Variants in POLD1 observed in about 807,000 individuals in gnomAD.
POLD1 encodes the protein DNA polymerase delta 1, catalytic subunit.
POLD1 carries 79 observed loss-of-function variants against 129.7 expected under a neutral mutation model. The ratio of observed to expected loss-of-function variants is 0.61; its 90% CI spans 0.51 to 0.73. POLD1 has a LOEUF of 0.73. Among genes scored for constraint, POLD1 ranks in the 30% least tolerant of loss-of-function variants. The pLI, the probability that POLD1 is intolerant of heterozygous loss-of-function variation, is 0.00. For missense variants in POLD1, 1,338 were observed against 1,595.8 expected (o/e 0.84, Z 2.75); for synonymous variants, 714 against 683.3 (o/e 1.04, Z -0.70).
At position 50,402,543 on chromosome 19, in the gene POLD1, G is replaced by C. The variant is rs747558112; in HGVS notation, c.840+8G>C. 1 of 1,588,592 alleles carries C rather than the reference G, an allele frequency of 6.3e-7. No individual in the cohort carries two copies. The highest frequency in any genetic ancestry group is 8.6e-7 in the Non-Finnish European group (1 of 1,167,832). ...CTGAGGCTGAAGGAGAAGGTGCAGGGCTTCCCAGGGCAGGGCTGGGTGGGG... is the reference window on the plus strand; with the variant it reads ...CTGAGGCTGAAGGAGAAGGTGCAGGCCTTCCCAGGGCAGGGCTGGGTGGGG... On this transcript the variant is annotated splice_region_variant and intron_variant, in intron 7 of 26. Transcript: ENST00000440232.
At chr19:50,386,021 G>T (rs138068473) in intron 1 of POLD1, among the ~76,000 whole-genome samples, 1 of 152,344 alleles carries the variant, frequency 6.6e-6, no homozygotes, top group Non-Finnish European at 1.5e-5. Context: ...TTTCAGTCCA[G>T]AGTGCGCTGA....
chr19:50,393,433 G>A (rs3219328), intron 1 of POLD1, among the ~76,000 whole-genome samples: 313 of 152,284 alleles, frequency 2.1e-3, no homozygotes, highest in African/African-American at 7.1e-3. Flanking sequence ...ACTTTGGGGA[G>A]GCCAAGGCAG....
chr19:50,399,317 G>A, intron 2 of POLD1, 54 bp from the exon 3 acceptor site: 1 of 1,438,320 alleles, frequency 7.0e-7, no homozygotes, highest in Non-Finnish European at 9.8e-7. Flanking sequence ...ATGCCATCCT[G>A]GCCGGGGAAG....
chr19:50,400,821 C>G (rs890308550), intron 3 of POLD1, among the ~76,000 whole-genome samples: 1 of 151,438 alleles, frequency 6.6e-6, no homozygotes, highest in East Asian at 2.0e-4. Context: ...CTCAGCCTCC[C>G]GAGTTGCTGG....
In POLD1 at chr19:50,415,468, G is replaced by T. The variant is rs1273286625; in HGVS notation, c.2595G>T (p.Gln865His). Residue 865 changes from glutamine (Q) to histidine (H), a missense_variant, in exon 21 of 27, where the codon CAG (glutamine) becomes CAT (histidine). Gln to His is a conservative substitution (Grantham distance 24). Transcript: ENST00000440232. ...CTGAGGGCGCGGTGGCTCACGCACA[G>T]GACGTCATCTCGGACCTGCTGTGCA... ...RDPEGAVAHA[Q>H]DVISDLLCNR... 6.2e-7 allele frequency: 1 copy of T among 1,613,020 alleles called. No homozygotes were observed. Among genetic ancestry groups the T allele is most frequent in the Admixed American group, 1.7e-5 (1 of 60,000 alleles).
At chr19:50,416,017 G>A in intron 22 of POLD1, 191 bp downstream of exon 22, 2 of 582,864 alleles carry the variant, frequency 3.4e-6, no homozygotes, top group East Asian at 2.9e-5. Context: ...CCCCTCCCTT[G>A]CTTCCCTATG....
At chr19:50,408,720 G>C (rs55732259) in intron 14 of POLD1, 65 bp from the exon 15 acceptor site, 2 of 1,588,996 alleles carry the variant, frequency 1.3e-6, no homozygotes, top group Non-Finnish European at 8.6e-7. Flanking sequence ...GAGGCCACAA[G>C]ACAGGGCGGG....
chr19:50,387,058 G>GGT (rs1177397716), intron 1 of POLD1, among the ~76,000 whole-genome samples: 1 of 152,136 alleles, frequency 6.6e-6, no homozygotes, highest in East Asian at 1.9e-4. Flanking sequence ...CGGGCGTGGT[G>GGT]GTGGGCGCCT....
At chr19:50,390,121 C>G (rs375864866) in intron 1 of POLD1, among the ~76,000 whole-genome samples, 312 of 152,058 alleles carry the variant, frequency 2.1e-3, no homozygotes, top group African/African-American at 7.1e-3. Flanking sequence ...GTTGGCCAGG[C>G]TGGTCTCAAA....
In POLD1 at chr19:50,406,492, A is replaced by G. The variant is rs1283947674; in HGVS notation, c.1469A>G (p.Gln490Arg). The G allele has an allele frequency of 6.3e-7, 1 of 1,591,894 alleles. No homozygotes were observed. Among genetic ancestry groups the G allele is most frequent in the Non-Finnish European group, 8.6e-7 (1 of 1,168,862 alleles). ...HFLGEQKEDV[Q>R]HSIITDLQNG... is the part of the protein sequence containing the mutation. Reference sequence around the variant, plus strand: ...CTGGGCGAGCAGAAGGAGGACGTGCAGCACAGCATCATCACCGACCTGCAG... The same window carrying G: ...CTGGGCGAGCAGAAGGAGGACGTGCGGCACAGCATCATCACCGACCTGCAG... The change falls in exon 12 of 27, where the codon CAG becomes CGG. Residue 490 changes from glutamine (Q) to arginine (R), a missense_variant. This residue lies in a region of POLD1 where 720 missense variants were observed against 1,002.6 expected (regional missense o/e 0.72). Coordinates refer to ENST00000440232, the MANE Select transcript of POLD1 (RefSeq NM_002691.4). The surrounding 1 kb of genome is among the most constrained non-coding windows in gnomAD (Gnocchi z 5.5).
In POLD1 at chr19:50,415,481, GACCTGCTGTGCA is replaced by G. The variant is rs1064792943; in HGVS notation, c.2612_2623del (p.Leu871_Asn874del). 1 of 1,613,134 alleles carries G rather than the reference GACCTGCTGTGCA, an allele frequency of 6.2e-7. No individual in the cohort carries two copies. Among genetic ancestry groups the G allele is most frequent in the African/African-American group, 1.3e-5 (1 of 74,912 alleles). On this transcript the variant is annotated inframe_deletion, in exon 21 of 27. Transcript: ENST00000440232. ...GGCTCACGCACAGGACGTCATCTCG[GACCTGCTGTGCA>G]ACCGCATCGATATCTCCCAGCTGGT...
chr19:50,402,386 C>T lies in POLD1; in HGVS notation c.758+13C>T. 2 of 1,613,240 alleles carry T rather than the reference C, an allele frequency of 1.2e-6. No homozygotes were observed. The highest frequency in any genetic ancestry group is 2.2e-5 in the South Asian group (2 of 91,024). ...ACTTTGAGATCCGGTACGGCCTCTG[C>T]CTCACTTCTCCGGCCTCTATCCCCA... On this transcript the variant is annotated intron_variant, in intron 6 of 26. Coordinates refer to ENST00000440232, the MANE Select transcript of POLD1 (RefSeq NM_002691.4).
chr19:50,414,314 G>A (rs1338549839), intron 19 of POLD1, among the ~76,000 whole-genome samples: 2 of 152,228 alleles, frequency 1.3e-5, no homozygotes, highest in Admixed American at 6.5e-5. Context: ...GTGCAGTGGC[G>A]AGTTCACAGC....
rs774607006 is a variant in POLD1 at position 50,402,399 on chromosome 19, G to A, written c.758+26G>A. 47 of 1,613,584 alleles carry A rather than the reference G, an allele frequency of 2.9e-5. No individual in the cohort carries two copies. In the East Asian group the frequency reaches 1.0e-3, roughly 36 times the overall value. ...GTACGGCCTCTGCCTCACTTCTCCGGCCTCTATCCCCACCCTCGGGCAGCC... is the reference window on the plus strand; with the variant it reads ...GTACGGCCTCTGCCTCACTTCTCCGACCTCTATCCCCACCCTCGGGCAGCC... On this transcript the variant is annotated intron_variant, in intron 6 of 26. Transcript: ENST00000440232.
In POLD1 at chr19:50,400,211, A is replaced by ATTTTTTTTTT. The variant is rs549820323; in HGVS notation, c.316+744_316+753dup. 4.4e-3 allele frequency among the ~76,000 whole-genome samples: 297 copies of ATTTTTTTTTT among 67,802 alleles called. 31 individuals carry two copies. Among genetic ancestry groups the ATTTTTTTTTT allele is most frequent in the African/African-American group, 0.02 (288 of 14,634 alleles). The allele number at this position is 67,802 out of a possible 152,430, so 44.5% of individuals were successfully genotyped here. ...CAGGCTGGAGTGCACCTGGCCAATA[A>ATTTTTTTTTT]TTTTTTTTTTTTTTTTTTTTTTTTT... On this transcript the variant is annotated intron_variant, in intron 3 of 26. Coordinates refer to ENST00000440232, the MANE Select transcript of POLD1 (RefSeq NM_002691.4).
intron 1 of POLD1, among the ~76,000 whole-genome samples, chr19:50,389,934 A>G (rs915141753): frequency 1.3e-5 from 2 of 148,184 alleles, no homozygotes; most frequent in Non-Finnish European, 3.0e-5. Flanking sequence ...TTTTTGAAAC[A>G]GAGCCTCATT....
At position 50,400,758 on chromosome 19, in the gene POLD1, G is replaced by A. The variant is rs1305658127; in HGVS notation, c.317-1020G>A. On this transcript the variant is annotated intron_variant, in intron 3 of 26. Transcript: ENST00000440232. ...GTCACCTAGGCTGGAGTGCAGTGGC[G>A]CGATCTCGGCTCACTGCAAGCTCTG... 1.6e-4 allele frequency among the ~76,000 whole-genome samples: 24 copies of A among 149,362 alleles called. No individual in the cohort carries two copies. In the East Asian group the frequency reaches 4.9e-3, roughly 30 times the overall value.
chr19:50,388,053 A>G (rs1390540339), intron 1 of POLD1, among the ~76,000 whole-genome samples: 1 of 152,246 alleles, frequency 6.6e-6, no homozygotes. Context: ...ACACATTCAG[A>G]GAAAGCAGCC....
rs1315928771 is a variant in POLD1, at chr19:50,406,209, G to A, written c.1270G>A (p.Val424Met). 1.2e-6 allele frequency: 2 copies of A among 1,613,792 alleles called. No homozygotes were observed. The highest frequency in any genetic ancestry group is 1.3e-5 in the African/African-American group (1 of 74,888). Residue 424 changes from valine (V) to methionine (M), a missense_variant, in exon 11 of 27, where the codon GTG (valine) becomes ATG (methionine). By Grantham distance (21) the Val-to-Met change is conservative. This residue lies in a region of POLD1 where 720 missense variants were observed against 1,002.6 expected (regional missense o/e 0.72). Coordinates refer to ENST00000440232, the MANE Select transcript of POLD1 (RefSeq NM_002691.4). The surrounding 1 kb of genome is among the most constrained non-coding windows in gnomAD (Gnocchi z 5.5). ...ACAAACATTCCCTTTCCTGGGCCGT[G>A]TGGCCGGCCTTTGCTCCAACATCCG... ...KVQTFPFLGRVAGLCSNIRDS... is the reference protein window; with the variant it reads ...KVQTFPFLGRMAGLCSNIRDS...
Sources: gnomAD v4.1 joint callset for allele counts (sites outside exome capture counted in the v4.1 genomes callset) on GRCh38, gnomAD v4.1.1 for gene constraint, gnomAD v4.1.1 regional missense constraint, Gnocchi (gnomAD v3.1) non-coding constraint, MANE v1.5 for transcripts, NCBI Gene and HGNC (gene_info 2026-07-23, HGNC 2026-07-21) for gene names.